CMTM8: variants seen among roughly 807,000 people sequenced by gnomAD.
CMTM8 encodes CKLF-like MARVEL transmembrane domain-containing protein 8.
A neutral mutation model predicts 18.6 loss-of-function variants in CMTM8; 12 were observed. The ratio of observed to expected loss-of-function variants is 0.65; its 90% CI spans 0.41 to 1.05. The LOEUF is 1.05. CMTM8 is among the 50% of genes least tolerant of loss of function. The pLI, the probability that CMTM8 is intolerant of heterozygous loss-of-function variation, is 0.00. For synonymous variants in CMTM8, 87 were observed against 90.6 expected (o/e 0.96, Z 0.23); for missense variants, 217 against 227.2 (o/e 0.95, Z 0.29).
chr3:32,365,874 A>G (rs1697023690), intron 2 of CMTM8, among the ~76,000 whole-genome samples: 1 of 152,316 alleles, frequency 6.6e-6, no homozygotes, highest in East Asian at 1.9e-4. Context: ...CTATTTCTCT[A>G]TAGCAACAAG....
At chr3:32,352,211 A>AT (rs1696723926) in intron 1 of CMTM8, among the ~76,000 whole-genome samples, 3 of 103,856 alleles carry the variant, frequency 2.9e-5, no homozygotes, top group Non-Finnish European at 7.1e-5. Context: ...TCACAAAAAA[A>AT]AAAAAAAGAA....
At chr3:32,253,591 G>T (rs1246069225) in intron 1 of CMTM8, among the ~76,000 whole-genome samples, 2 of 151,730 alleles carry the variant, frequency 1.3e-5, no homozygotes, top group East Asian at 3.9e-4. Context: ...GACCTCAGGT[G>T]ATCCACCTGC....
At chr3:32,245,474 C>G (rs1036140245) in intron 1 of CMTM8, among the ~76,000 whole-genome samples, 1 of 152,192 alleles carries the variant, frequency 6.6e-6, no homozygotes, top group African/African-American at 2.4e-5. Flanking sequence ...CAATCCAGTA[C>G]TTGACCTGTG....
intron 1 of CMTM8, among the ~76,000 whole-genome samples, chr3:32,268,344 A>G (rs1702380759): frequency 6.6e-6 from 1 of 152,184 alleles, no homozygotes; most frequent in Admixed American, 6.5e-5. Flanking sequence ...CCTCGCAAGG[A>G]CAAAAAACCA....
chr3:32,276,187 C>T (rs1043361774), intron 1 of CMTM8, among the ~76,000 whole-genome samples: 3 of 152,106 alleles, frequency 2.0e-5, no homozygotes, highest in South Asian at 2.1e-4. Context: ...CTGGGTTACT[C>T]GTCCTCCTCC....
chr3:32,294,776 C>G (rs1342949576), intron 1 of CMTM8, among the ~76,000 whole-genome samples: 2 of 152,146 alleles, frequency 1.3e-5, no homozygotes, highest in Non-Finnish European at 2.9e-5. Flanking sequence ...AAACTGTGGC[C>G]AGATGCGGTG....
chr3:32,357,333 A>T, intron 1 of CMTM8, 40 bp from the exon 2 acceptor site: 1 of 1,493,276 alleles, frequency 6.7e-7, no homozygotes, highest in Non-Finnish European at 9.2e-7. Context: ...TTTATCTTCT[A>T]CTGTCCCCTC....
intron 1 of CMTM8, among the ~76,000 whole-genome samples, chr3:32,292,517 G>A (rs1016040153): frequency 6.6e-6 from 1 of 152,080 alleles, no homozygotes; most frequent in Non-Finnish European, 1.5e-5. Context: ...GAAAAGCTGT[G>A]CACAGAAATC....
intron 1 of CMTM8, among the ~76,000 whole-genome samples, chr3:32,241,569 C>T (rs1701946195): frequency 6.6e-6 from 1 of 152,216 alleles, no homozygotes; most frequent in Non-Finnish European, 1.5e-5. Context: ...TGTAGGCTAA[C>T]CTAAGTGTTC....
chr3:32,319,819 A>G (rs1023970271), intron 1 of CMTM8, among the ~76,000 whole-genome samples: 3 of 152,280 alleles, frequency 2.0e-5, no homozygotes, highest in Non-Finnish European at 4.4e-5. Flanking sequence ...CTGTCAAAAC[A>G]GCCCTTGAGG....
At chr3:32,276,684 C>T (rs978949697) in intron 1 of CMTM8, among the ~76,000 whole-genome samples, 8 of 152,096 alleles carry the variant, frequency 5.3e-5, no homozygotes, top group African/African-American at 1.4e-4. Flanking sequence ...TAACCCGTGT[C>T]GTCAATGGTT....
intron 1 of CMTM8, among the ~76,000 whole-genome samples, chr3:32,343,472 C>A (rs555826378): frequency 2.5e-4 from 38 of 152,300 alleles, no homozygotes; most frequent in African/African-American, 8.7e-4. Context: ...ATTTGGCATT[C>A]CTCCCACCAC....
At chr3:32,249,832 A>G (rs1464163562) in intron 1 of CMTM8, among the ~76,000 whole-genome samples, 1 of 152,182 alleles carries the variant, frequency 6.6e-6, no homozygotes, top group Non-Finnish European at 1.5e-5. Context: ...TCTGTCTGTT[A>G]TCTTTTCACT....
chr3:32,306,936 C>T (rs1301041538), intron 1 of CMTM8, among the ~76,000 whole-genome samples: 1 of 152,174 alleles, frequency 6.6e-6, no homozygotes, highest in Non-Finnish European at 1.5e-5. Flanking sequence ...ATGCCAGGCA[C>T]AGTGTCTCAC....
intron 1 of CMTM8, among the ~76,000 whole-genome samples, chr3:32,348,698 G>A (rs1211149336): frequency 6.6e-6 from 1 of 151,386 alleles, no homozygotes; most frequent in African/African-American, 2.4e-5. Context: ...ATGGGGTTTT[G>A]CCATGTTACC....
At chr3:32,289,854 GT>G (rs1391683436) in intron 1 of CMTM8, among the ~76,000 whole-genome samples, 4 of 152,236 alleles carry the variant, frequency 2.6e-5, no homozygotes, top group Non-Finnish European at 5.9e-5. Context: ...AAGGAGGCCA[GT>G]CATGATGGTG....
intron 1 of CMTM8, among the ~76,000 whole-genome samples, chr3:32,326,664 G>A (rs1363592632): frequency 3.3e-5 from 5 of 151,792 alleles, no homozygotes; most frequent in African/African-American, 4.8e-5. Context: ...CTACAGGTGC[G>A]TACCATCATG....
chr3:32,319,074 A>ATATATATATATTTTTTTTTTTTTT, intron 1 of CMTM8, among the ~76,000 whole-genome samples: 7 of 31,528 alleles, frequency 2.2e-4, no homozygotes, highest in Non-Finnish European at 3.1e-4. Context: ...ATATATATAT[A>ATATATATATATTTTTTTTTTTTTT]TTTTTTTTTT....
intron 2 of CMTM8, among the ~76,000 whole-genome samples, chr3:32,359,916 G>C (rs4621363): frequency 0.92 from 139,293 of 152,212 alleles, 64,281 homozygotes; most frequent in South Asian, 0.97. Context: ...ACACAGCAGG[G>C]GTCCACATCT....
Sources: allele counts gnomAD v4.1 joint callset (sites outside exome capture counted in the v4.1 genomes callset), GRCh38; gene constraint gnomAD v4.1.1; transcripts MANE v1.5; gene names NCBI Gene and HGNC (gene_info 2026-07-23, HGNC 2026-07-21).